CASD1: variants seen among roughly 807,000 people sequenced by gnomAD.
The protein encoded by CASD1 is N-acetylneuraminate (7)9-O-acetyltransferase.
In CASD1, 41 loss-of-function variants were observed where a neutral mutation model predicts 100.0. That is an observed-to-expected ratio of 0.41 (90% CI 0.32 to 0.53). The LOEUF is 0.53. Among genes scored for constraint, CASD1 ranks in the 20% least tolerant of loss-of-function variants. CASD1 has a pLI of 0.25. For missense variants in CASD1, 774 were observed against 948.7 expected (o/e 0.82, Z 2.42); for synonymous variants, 321 against 315.6 (o/e 1.02, Z -0.18).
rs1413534969 is a variant in CASD1, at chr7:94,535,370, T to G, written c.690T>G (p.Asp230Glu). The G allele has an allele frequency of 6.2e-7, 1 of 1,613,472 alleles. No individual in the cohort carries two copies. Among genetic ancestry groups the G allele is most frequent in the East Asian group, 2.2e-5 (1 of 44,774 alleles). Reference sequence around the variant, plus strand: ...AGATGATCACTAATGAGAAGATAGATGCTTACAATGAAGCTGCAGTCAGTA... The same window carrying G: ...AGATGATCACTAATGAGAAGATAGAGGCTTACAATGAAGCTGCAGTCAGTA... The part of the protein sequence containing the change: ...NRKMITNEKI[D>E]AYNEAAVSIL... Residue 230 changes from aspartate (D) to glutamate (E), a missense_variant, in exon 8 of 18, where the codon GAT (aspartate) becomes GAG (glutamate). Asp to Glu is a conservative substitution (Grantham distance 45). Coordinates refer to ENST00000297273, the MANE Select transcript of CASD1 (RefSeq NM_022900.5).
At chr7:94,545,249 A>G (rs1034318876) in intron 11 of CASD1, among the ~76,000 whole-genome samples, 3 of 152,122 alleles carry the variant, frequency 2.0e-5, no homozygotes, top group African/African-American at 7.2e-5. Context: ...TATAGCCCTC[A>G]GAAGGACGAC....
At chr7:94,542,861 A>G (rs1184662632) in intron 10 of CASD1, among the ~76,000 whole-genome samples, 2 of 152,200 alleles carry the variant, frequency 1.3e-5, no homozygotes, top group African/African-American at 4.8e-5. Flanking sequence ...CTAATATGTT[A>G]CACCCTCATT....
chr7:94,601,140 AGTT>A, the CASD1 span, among the ~76,000 whole-genome samples: 1 of 152,064 alleles, frequency 6.6e-6, no homozygotes, highest in Non-Finnish European at 1.5e-5. Context: ...CTATACGTGT[AGTT>A]GTTCTTTTTC....
At chr7:94,545,462 G>GA in intron 11 of CASD1, 83 bp from the exon 12 acceptor site, 9 of 1,009,808 alleles carry the variant, frequency 8.9e-6, no homozygotes, top group Non-Finnish European at 1.3e-5. Context: ...CTCTGTCAGA[G>GA]AAAATCTGCC....
intron 8 of CASD1, among the ~76,000 whole-genome samples, chr7:94,536,501 C>T (rs1453668731): frequency 2.6e-5 from 4 of 152,074 alleles, no homozygotes; most frequent in African/African-American, 9.7e-5. Flanking sequence ...TGGTTTTGTT[C>T]TTCTCCTGCA....
chr7:94,567,869 A>G, the CASD1 span, among the ~76,000 whole-genome samples: 1 of 152,208 alleles, frequency 6.6e-6, no homozygotes, highest in Non-Finnish European at 1.5e-5. Context: ...CAGTCTTACT[A>G]GCTTTTTATG....
At chr7:94,517,810 A>G (rs1195114109) in intron 2 of CASD1, among the ~76,000 whole-genome samples, 154 bp downstream of exon 2, 1 of 152,116 alleles carries the variant, frequency 6.6e-6, no homozygotes, top group Admixed American at 6.6e-5. Flanking sequence ...TTCCCTGCCC[A>G]CTAAGGTTTT....
chr7:94,552,144 C>T (rs906976342), intron 15 of CASD1: 1 of 508,748 alleles, frequency 2.0e-6, no homozygotes, highest in Non-Finnish European at 3.4e-6. Flanking sequence ...ACTTGTGCAC[C>T]TCCCTCTGTG....
At position 94,528,365 on chromosome 7, in the gene CASD1, T is replaced by G. The variant is rs1342685823; in HGVS notation, c.459+115T>G. 4 of 682,660 alleles carry G rather than the reference T, an allele frequency of 5.9e-6. No individual in the cohort carries two copies. In the East Asian group the frequency reaches 1.1e-4, roughly 19 times the overall value. 42.3% of individuals were successfully genotyped at this position (682,660 alleles called of 1,614,324 possible). ...ACTCTCCTATATTTTATACCTGCCT[T>G]CTTAATAGCAACTAAACTGTGCTGG... On this transcript the variant is annotated intron_variant, in intron 5 of 17. Transcript: ENST00000297273.
chr7:94,626,990 C>T, the CASD1 span: 1 of 151,860 alleles, frequency 6.6e-6, no homozygotes, highest in African/African-American at 2.4e-5. Flanking sequence ...TGGTGAATTG[C>T]ATTTATATAT....
the CASD1 span, chr7:94,628,248 T>C: frequency 6.2e-7 from 1 of 1,612,024 alleles, no homozygotes; most frequent in Non-Finnish European, 8.5e-7. Flanking sequence ...TGGGGACCCA[T>C]ATAGGACTCC....
chr7:94,515,527 A>G (rs76558391), intron 1 of CASD1, among the ~76,000 whole-genome samples: 2,216 of 151,966 alleles, frequency 0.015, 49 homozygotes, highest in African/African-American at 0.051. Flanking sequence ...AAAAAAAGTT[A>G]TTTGCATTTT....
the CASD1 span, chr7:94,626,555 T>A: frequency 1.3e-5 from 2 of 152,178 alleles, no homozygotes; most frequent in East Asian, 3.9e-4. Flanking sequence ...TGTAGAAATA[T>A]AACAGTAATT....
At chr7:94,522,182 A>G (rs1025956371) in intron 3 of CASD1, among the ~76,000 whole-genome samples, 1 of 152,220 alleles carries the variant, frequency 6.6e-6, no homozygotes, top group African/African-American at 2.4e-5. Flanking sequence ...ATTGCTCTTG[A>G]AGAGAACTTT....
chr7:94,583,659 C>A, the CASD1 span, among the ~76,000 whole-genome samples: 1 of 152,084 alleles, frequency 6.6e-6, no homozygotes, highest in Non-Finnish European at 1.5e-5. Flanking sequence ...GAATCTAAAT[C>A]TGAGTTTACT....
At chr7:94,600,723 T>G in the CASD1 span, 24 of 1,613,868 alleles carry the variant, frequency 1.5e-5, no homozygotes, top group Non-Finnish European at 2.0e-5. Flanking sequence ...GCACAGCCAG[T>G]GTAATTAGGA....
At chr7:94,599,604 G>GA in the CASD1 span, 60 of 977,816 alleles carry the variant, frequency 6.1e-5, no homozygotes, top group Admixed American at 1.0e-3. Context: ...GATGACAAAT[G>GA]AAAAAAAGCT....
chr7:94,606,048 C>T, the CASD1 span, among the ~76,000 whole-genome samples: 7 of 152,046 alleles, frequency 4.6e-5, no homozygotes, highest in Middle Eastern at 3.4e-3. Flanking sequence ...AGGCTGGTCT[C>T]GAACTCCTGA....
chr7:94,576,601 T>A, the CASD1 span, among the ~76,000 whole-genome samples: 1 of 152,220 alleles, frequency 6.6e-6, no homozygotes, highest in Non-Finnish European at 1.5e-5. Flanking sequence ...GTCATTCATA[T>A]GGGCACTGCA....
Sources: allele counts gnomAD v4.1 joint callset (sites outside exome capture counted in the v4.1 genomes callset), GRCh38; gene constraint gnomAD v4.1.1; transcripts MANE v1.5; gene names NCBI Gene and HGNC (gene_info 2026-07-23, HGNC 2026-07-21).